Variants in POU2AF2 observed in about 807,000 individuals in gnomAD.
POU2AF2 encodes the protein POU class 2 homeobox associating factor 2.
chr11:111,259,469 C>A, the POU2AF2 span, among the ~76,000 whole-genome samples: 1 of 152,060 alleles, frequency 6.6e-6, no homozygotes, highest in Non-Finnish European at 1.5e-5. Context: ...GTGTGTGCCA[C>A]CATGCCTGGC....
chr11:111,253,731 G>A, the POU2AF2 span, among the ~76,000 whole-genome samples: 1 of 152,158 alleles, frequency 6.6e-6, no homozygotes, highest in African/African-American at 2.4e-5. Context: ...ATGGCGTATG[G>A]CCTAGAGGAT....
the POU2AF2 span, among the ~76,000 whole-genome samples, chr11:111,258,016 G>A: frequency 1.3e-5 from 2 of 152,310 alleles, no homozygotes; most frequent in East Asian, 3.9e-4. Flanking sequence ...TACTCAGGAG[G>A]CTGAAGTGGG....
chr11:111,283,058 CT>C, the POU2AF2 span, among the ~76,000 whole-genome samples: 3,938 of 118,320 alleles, frequency 0.033, 140 homozygotes, highest in African/African-American at 0.12. Context: ...AAACTTTTTA[CT>C]TTTTTTTTTT....
the POU2AF2 span, among the ~76,000 whole-genome samples, chr11:111,257,668 C>A: frequency 3.3e-5 from 5 of 152,124 alleles, 1 homozygote; most frequent in South Asian, 1.0e-3. Flanking sequence ...CCCACCGCGC[C>A]CAGCCGTTAT....
At chr11:111,271,502 G>A in the POU2AF2 span, among the ~76,000 whole-genome samples, 1,567 of 152,054 alleles carry the variant, frequency 0.01, 27 homozygotes, top group African/African-American at 0.036. Flanking sequence ...GCTCACTGCA[G>A]CCTTGACCTT....
the POU2AF2 span, among the ~76,000 whole-genome samples, chr11:111,278,546 CTCTCTCTCTG>C: frequency 3.7e-5 from 5 of 135,630 alleles, no homozygotes; most frequent in Non-Finnish European, 7.8e-5. Flanking sequence ...GAGAGATGAT[CTCTCTCTCTG>C]TCTCTCTCTC....
chr11:111,279,244 G>T, the POU2AF2 span, among the ~76,000 whole-genome samples: 12,134 of 152,138 alleles, frequency 0.08, 1,554 homozygotes, highest in African/African-American at 0.27. Context: ...TTAGGTGCCC[G>T]CATCACCCCA....
At chr11:111,260,182 C>T in the POU2AF2 span, among the ~76,000 whole-genome samples, 1 of 152,164 alleles carries the variant, frequency 6.6e-6, no homozygotes, top group Non-Finnish European at 1.5e-5. Flanking sequence ...TTTTTCATAC[C>T]AATGCACTAG....
chr11:111,258,083 G>T, the POU2AF2 span, among the ~76,000 whole-genome samples: 1 of 152,016 alleles, frequency 6.6e-6, no homozygotes, highest in Non-Finnish European at 1.5e-5. Context: ...GTGACACTGC[G>T]CTCCAGCCTG....
At chr11:111,248,434 C>T in the POU2AF2 span, among the ~76,000 whole-genome samples, 21 of 152,148 alleles carry the variant, frequency 1.4e-4, no homozygotes, top group Admixed American at 1.4e-3. Flanking sequence ...TGGCATCTCC[C>T]TGACAGGCAG....
At chr11:111,285,682 C>CGGTCAGGCT in the POU2AF2 span, 1 of 1,613,082 alleles carries the variant, frequency 6.2e-7, no homozygotes, top group African/African-American at 1.3e-5. Flanking sequence ...CGTTGCCTGA[C>CGGTCAGGCT]GGTCTCAGCC....
At chr11:111,267,594 A>G in the POU2AF2 span, among the ~76,000 whole-genome samples, 1 of 152,150 alleles carries the variant, frequency 6.6e-6, no homozygotes, top group African/African-American at 2.4e-5. Flanking sequence ...GCAGAATGCC[A>G]CTTCTTCCAC....
the POU2AF2 span, among the ~76,000 whole-genome samples, chr11:111,247,580 G>C: frequency 3.3e-5 from 5 of 152,074 alleles, no homozygotes; most frequent in Non-Finnish European, 5.9e-5. Context: ...GAGGTCAAGA[G>C]ATCGAAACCA....
the POU2AF2 span, among the ~76,000 whole-genome samples, chr11:111,274,828 G>A: frequency 6.6e-6 from 1 of 151,970 alleles, no homozygotes; most frequent in Non-Finnish European, 1.5e-5. Context: ...TAAGAAACAG[G>A]CTCTGATATC....
At chr11:111,276,065 A>C in the POU2AF2 span, among the ~76,000 whole-genome samples, 1 of 152,138 alleles carries the variant, frequency 6.6e-6, no homozygotes, top group Non-Finnish European at 1.5e-5. Flanking sequence ...AGGAGGAGAG[A>C]ACAGTCATAA....
the POU2AF2 span, among the ~76,000 whole-genome samples, chr11:111,269,444 A>C: frequency 1.3e-5 from 2 of 152,102 alleles, no homozygotes; most frequent in African/African-American, 4.8e-5. Context: ...CAATCACAGA[A>C]ATTTTTAAAA....
chr11:111,259,906 A>G, the POU2AF2 span, among the ~76,000 whole-genome samples: 7 of 152,368 alleles, frequency 4.6e-5, no homozygotes, highest in South Asian at 1.4e-3. Flanking sequence ...AATTAAATGC[A>G]TAAAGTCCCA....
At chr11:111,262,179 T>C in the POU2AF2 span, among the ~76,000 whole-genome samples, 1 of 152,216 alleles carries the variant, frequency 6.6e-6, no homozygotes, top group African/African-American at 2.4e-5. Flanking sequence ...TCTTTCCTAA[T>C]TATTTTGGAG....
the POU2AF2 span, chr11:111,284,151 A>G: frequency 3.1e-6 from 5 of 1,614,156 alleles, no homozygotes; most frequent in Non-Finnish European, 4.2e-6. Context: ...AACAGTAAAC[A>G]GTTTTCAAAT....
Sources: allele counts gnomAD v4.1 joint callset (sites outside exome capture counted in the v4.1 genomes callset), GRCh38; gene constraint gnomAD v4.1.1; transcripts MANE v1.5; gene names NCBI Gene and HGNC (gene_info 2026-07-23, HGNC 2026-07-21).